The following ZNF544 variants were observed in gnomAD, a reference collection of about 807,000 sequenced individuals.
The protein encoded by ZNF544 is zinc finger protein 544.
Under a neutral mutation model 13.5 loss-of-function variants are expected in ZNF544, and 10 were observed. The observed-to-expected ratio is 0.74, with a 90% CI of 0.46 to 1.25. The LOEUF (loss-of-function observed/expected upper bound fraction) is 1.25, where lower values mean the gene tolerates loss of function less well. Among genes scored for constraint, ZNF544 ranks in the 50% most tolerant of loss-of-function variants. The pLI is 0.00. For synonymous variants in ZNF544, 323 were observed against 300.5 expected (o/e 1.07, Z -0.77); for missense variants, 896 against 845.6 (o/e 1.06, Z -0.74).
At chr19:58,256,548 C>A (rs890947322) in intron 6 of ZNF544, among the ~76,000 whole-genome samples, 2 of 152,146 alleles carry the variant, frequency 1.3e-5, no homozygotes, top group African/African-American at 4.8e-5. Flanking sequence ...ACAACTTAAA[C>A]GGTTACAAGA....
intron 3 of ZNF544, among the ~76,000 whole-genome samples, chr19:58,241,170 T>TATATATTTAA (rs2043627053): frequency 6.7e-5 from 6 of 89,634 alleles, no homozygotes; most frequent in African/African-American, 2.5e-4. Flanking sequence ...TAAATATATA[T>TATATATTTAA]ATATATATAT....
rs542446574 is a variant in ZNF544, at chr19:58,246,513, G to A, written c.160+86G>A. On this transcript the variant is annotated intron_variant, in intron 5 of 6. Coordinates refer to ENST00000687789, the MANE Select transcript of ZNF544 (RefSeq NM_014480.4). Reference sequence around the variant, plus strand: ...CTGAAGGGTGTTCTGGGATGTGCTGGAAGATACTGGAAGCAGGTCCCTTTC... The same window carrying A: ...CTGAAGGGTGTTCTGGGATGTGCTGAAAGATACTGGAAGCAGGTCCCTTTC... The A allele has an allele frequency of 4.1e-5, 64 of 1,562,474 alleles. No individual in the cohort carries two copies. The South Asian group carries it at 6.4e-4, about 16-fold the overall frequency.
chr19:58,254,859 TCTTTC>T (rs1263953131), intron 6 of ZNF544, among the ~76,000 whole-genome samples: 1 of 143,452 alleles, frequency 7.0e-6, no homozygotes, highest in African/African-American at 2.5e-5. Context: ...AGAATTTCTT[TCTTTC>T]TTTTTTTTTT....
Position 58,246,724 on chromosome 19 carries a change from C to T in ZNF544, c.174C>T (p.Ser58=), listed in dbSNP as rs766230477. ...GTCTTTGACCAGGGCTTTTCCTTTC[C>T]AAATCTGATGTGATCTCTCAGCTGG... is the stretch of plus-strand genomic sequence containing the variant. ...EHIVSLGLFL[S]KSDVISQLEQ... The change falls in exon 6 of 7, where the codon TCC becomes TCT. Residue 58 remains serine (S), a synonymous_variant. Coordinates refer to ENST00000687789, the MANE Select transcript of ZNF544 (RefSeq NM_014480.4). 17 of 1,614,034 alleles carry T rather than the reference C, an allele frequency of 1.1e-5. No individual in the cohort carries two copies. The South Asian group carries it at 1.3e-4, about 13-fold the overall frequency.
At chr19:58,276,556 C>T in intron 6 of ZNF544, 1 of 460,320 alleles carries the variant, frequency 2.2e-6, no homozygotes, top group Non-Finnish European at 3.4e-6. Flanking sequence ...CAACCTCCGC[C>T]TCCCAGTTTC....
chr19:58,255,427 C>T (rs2047081806), intron 6 of ZNF544, among the ~76,000 whole-genome samples: 1 of 152,172 alleles, frequency 6.6e-6, no homozygotes, highest in African/African-American at 2.4e-5. Context: ...GATCCACCCG[C>T]CTTGGCCTCC....
At chr19:58,258,874 G>A (rs887774445) in intron 6 of ZNF544, 2 of 152,154 alleles carry the variant, frequency 1.3e-5, no homozygotes, top group African/African-American at 4.8e-5. Context: ...CAAGCAGAGT[G>A]GAGGATCTTT....
intron 6 of ZNF544, among the ~76,000 whole-genome samples, chr19:58,248,001 C>T (rs1041873895): frequency 6.6e-6 from 1 of 151,910 alleles, no homozygotes; most frequent in Non-Finnish European, 1.5e-5. Context: ...GCAACCTCCG[C>T]CCCCCAGGTT....
Position 58,261,967 on chromosome 19 carries a change from A to C in ZNF544, c.1361A>C (p.His454Pro). The C allele has an allele frequency of 1.2e-6, 2 of 1,613,930 alleles. No individual in the cohort carries two copies. The highest frequency in any genetic ancestry group is 2.2e-5 in the South Asian group (2 of 91,066). ...SFRWNSNLIV[H>P]QRIHTGEKPY... ...AGGTGGAACTCTAACCTCATTGTACATCAGAGAATTCATACTGGAGAGAAA... is the reference window on the plus strand; with the variant it reads ...AGGTGGAACTCTAACCTCATTGTACCTCAGAGAATTCATACTGGAGAGAAA... The change falls in exon 7 of 7, where the codon CAT (histidine) becomes CCT (proline). Residue 454 changes from histidine (H) to proline (P), a missense_variant. Coordinates refer to ENST00000687789, the MANE Select transcript of ZNF544 (RefSeq NM_014480.4).
intron 5 of ZNF544, among the ~76,000 whole-genome samples, chr19:58,275,783 C>CAAAAAAAAAAAAAA (rs57148438): frequency 4.5e-5 from 3 of 66,230 alleles, no homozygotes; most frequent in African/African-American, 6.0e-5. Flanking sequence ...GACCCTGTCT[C>CAAAAAAAAAAAAAA]AAAAAAAAAA....
intron 4 of ZNF544, among the ~76,000 whole-genome samples, chr19:58,245,493 G>C (rs187707933): frequency 1.3e-5 from 2 of 150,962 alleles, no homozygotes; most frequent in Admixed American, 1.3e-4. Context: ...GTAGAGACGG[G>C]GTTTCACCAT....
At chr19:58,246,601 C>T in intron 5 of ZNF544, 110 bp from the exon 6 acceptor site, 1 of 1,470,136 alleles carries the variant, frequency 6.8e-7, no homozygotes, top group Non-Finnish European at 9.3e-7. Flanking sequence ...ACTTGTAGTC[C>T]TAACAGTGGG....
In ZNF544 at chr19:58,262,720, T is replaced by C; in HGVS notation, c.2114T>C (p.Val705Ala). Residue 705 changes from valine to alanine, a missense_variant, in exon 7 of 7, where the codon GTG becomes GCG. Val to Ala is a moderately conservative substitution (Grantham distance 64). Transcript: ENST00000687789. ...TTCCGGCAGCAATCTCAACTTGTAG[T>C]GCATCGGCGGACACATACTGGAGAG... The part of the protein sequence containing the change: ...KSFRQQSQLV[V>A]HRRTHTGEKP The C allele has an allele frequency of 6.2e-7, 1 of 1,608,874 alleles. No homozygotes were observed. The highest frequency in any genetic ancestry group is 1.1e-5 in the South Asian group (1 of 90,538).
chr19:58,257,600 G>T (rs898864107), intron 6 of ZNF544: 6 of 152,196 alleles, frequency 3.9e-5, no homozygotes, highest in African/African-American at 1.4e-4. Flanking sequence ...GTTGCAAAGG[G>T]AGTAGCCTCT....
rs919801504 is a variant in ZNF544 at position 58,262,514 on chromosome 19, G to C, written c.1908G>C (p.Gln636His). 1.2e-6 allele frequency: 2 copies of C among 1,614,040 alleles called. No homozygotes were observed. The highest frequency in any genetic ancestry group is 2.7e-5 in the African/African-American group (2 of 74,924). ...GGGAGAAGCCGTACAAATGCAATCA[G>C]TGCAATAAAGCCTTTGCAAGGAGCT... is the stretch of plus-strand genomic sequence containing the variant. Reference protein sequence around the residue: ...HTGEKPYKCNQCNKAFARSSY... With the variant: ...HTGEKPYKCNHCNKAFARSSY... The change falls in exon 7 of 7, where the codon CAG becomes CAC. Residue 636 changes from glutamine to histidine, a missense_variant. Coordinates refer to ENST00000687789, the MANE Select transcript of ZNF544 (RefSeq NM_014480.4).
In ZNF544 at chr19:58,261,256, A is replaced by C. The variant is rs1280256737; in HGVS notation, c.650A>C (p.Gln217Pro). The change falls in exon 7 of 7, where the codon CAG (glutamine) becomes CCG (proline). Residue 217 changes from glutamine to proline, a missense_variant. Gln to Pro is a moderately conservative substitution (Grantham distance 76). Transcript: ENST00000687789. ...GATGGGAAGCACTGTGAGAGTCATCAGTGTGCTAGAGCTTTCTGTCAGAGT... is the reference window on the plus strand; with the variant it reads ...GATGGGAAGCACTGTGAGAGTCATCCGTGTGCTAGAGCTTTCTGTCAGAGT... ...GADGKHCESH[Q>P]CARAFCQSIY... 3 of 1,614,216 alleles carry C rather than the reference A, an allele frequency of 1.9e-6. No homozygotes were observed. The Admixed American group carries it at 5.0e-5, about 27-fold the overall frequency.
chr19:58,248,198 C>T (rs2045685698), intron 6 of ZNF544, among the ~76,000 whole-genome samples: 3 of 151,944 alleles, frequency 2.0e-5, no homozygotes, highest in African/African-American at 7.3e-5. Flanking sequence ...AGGCGTGAGC[C>T]ACTACCCCTT....
In ZNF544 at chr19:58,260,959, C is replaced by A. The variant is rs759895971; in HGVS notation, c.353C>A (p.Pro118His). The part of the protein sequence containing the change: ...EVYRSGPEEP[P>H]SLVLGKVQDQ... ...TACAGGAGTGGACCGGAGGAGCCAC[C>A]CTCTTTGGTATTAGGAAAAGTGCAA... Residue 118 changes from proline (P) to histidine (H), a missense_variant, in exon 7 of 7, where the codon CCC becomes CAC. Pro to His is a moderately conservative substitution (Grantham distance 77, BLOSUM62 -2). Transcript: ENST00000687789. The A allele has an allele frequency of 1.2e-6, 2 of 1,614,112 alleles. No individual in the cohort carries two copies. Among genetic ancestry groups the A allele is most frequent in the Admixed American group, 3.3e-5 (2 of 60,010 alleles).
chr19:58,265,636 C>T (rs2049773002), downstream of ZNF544, among the ~76,000 whole-genome samples: 1 of 151,884 alleles, frequency 6.6e-6, no homozygotes, highest in Non-Finnish European at 1.5e-5. Context: ...TGCTCTGTCA[C>T]CCAGGCTGGA....
Sources: allele counts gnomAD v4.1 joint callset (sites outside exome capture counted in the v4.1 genomes callset), GRCh38; gene constraint gnomAD v4.1.1; transcripts MANE v1.5; gene names NCBI Gene and HGNC (gene_info 2026-07-23, HGNC 2026-07-21).